The following RAP1GAP2 variants were observed in gnomAD, a reference collection of about 807,000 sequenced individuals.
RAP1GAP2 encodes the protein rap1 GTPase-activating protein 2.
A neutral mutation model predicts 95.0 loss-of-function variants in RAP1GAP2; 27 were observed. The observed-to-expected ratio is 0.28, with a 90% confidence interval of 0.21 to 0.39. RAP1GAP2 has a LOEUF of 0.39. Ranked by LOEUF, RAP1GAP2 falls within the 10% of genes least tolerant of loss-of-function variation. RAP1GAP2 has a pLI of 1.00. For synonymous variants in RAP1GAP2, 373 were observed against 380.9 expected (o/e 0.98, Z 0.24); for missense variants, 771 against 970.0 (o/e 0.79, Z 2.72).
At chr17:2,953,211 T>A (rs2043979793) in intron 3 of RAP1GAP2, among the ~76,000 whole-genome samples, 1 of 152,002 alleles carries the variant, frequency 6.6e-6, no homozygotes, top group Admixed American at 6.6e-5. Context: ...ATCTTTTTTT[T>A]TTTAAGAGAT....
At chr17:2,812,779 C>G (rs1455728443) in intron 2 of RAP1GAP2, among the ~76,000 whole-genome samples, 2 of 151,962 alleles carry the variant, frequency 1.3e-5, no homozygotes, top group Non-Finnish European at 2.9e-5. Context: ...CACCTGAGGT[C>G]AGAAGTTCGA....
At position 3,017,569 on chromosome 17, in the gene RAP1GAP2, T is replaced by A. The variant is rs192977519; in HGVS notation, c.1495-492T>A. On this transcript the variant is annotated intron_variant, in intron 17 of 24. Transcript: ENST00000254695. ...GTTTATTACAGATGGAGGCTCAGTT[T>A]TCTGGAAAAGAGTCAACTTGTGGTC... 1.1e-3 allele frequency among the ~76,000 whole-genome samples: 169 copies of A among 152,336 alleles called. 2 individuals are homozygous for A. Among genetic ancestry groups the A allele is most frequent in the Non-Finnish European group, 6.6e-4 (45 of 68,030 alleles).
chr17:3,006,880 T>C (rs1348082809), intron 16 of RAP1GAP2, among the ~76,000 whole-genome samples: 3 of 152,028 alleles, frequency 2.0e-5, no homozygotes, highest in African/African-American at 7.2e-5. Context: ...TAGATAGTTA[T>C]AGTACAGTGT....
At chr17:2,962,879 G>A (rs965320506) in intron 5 of RAP1GAP2, 165 bp downstream of exon 5, 2 of 665,592 alleles carry the variant, frequency 3.0e-6, no homozygotes, top group Non-Finnish European at 4.9e-6. Context: ...ACCAGTGCAC[G>A]GTGGGCAGCA....
In RAP1GAP2 at chr17:2,825,780, G is replaced by A. The variant is rs1304397438; in HGVS notation, c.80+25230G>A. The stretch of plus-strand genomic sequence containing the variant: ...TAGGTGTGAAGAGGGTCTGGTGCCC[G>A]CATCCAAGGAACTCACAGTCTCTGG... On this transcript the variant is annotated intron_variant, in intron 2 of 24. Coordinates refer to ENST00000254695, the MANE Select transcript of RAP1GAP2 (RefSeq NM_015085.5). This position sits in a 1 kb window ranked among gnomAD's most constrained non-coding sequence, Gnocchi z 4.1. 3.3e-5 allele frequency among the ~76,000 whole-genome samples: 5 copies of A among 152,056 alleles called. No individual in the cohort carries two copies. Among genetic ancestry groups the A allele is most frequent in the South Asian group, 2.1e-4 (1 of 4,802 alleles).
At chr17:2,901,479 TGCGA>T (rs1311095522) in intron 2 of RAP1GAP2, among the ~76,000 whole-genome samples, 2 of 152,142 alleles carry the variant, frequency 1.3e-5, no homozygotes, top group African/African-American at 4.8e-5. Context: ...TAGAGTTGCA[TGCGA>T]GTATGGGGCT....
At chr17:2,913,927 G>A (rs1597593589) in intron 3 of RAP1GAP2, among the ~76,000 whole-genome samples, 2 of 151,984 alleles carry the variant, frequency 1.3e-5, no homozygotes, top group Admixed American at 1.3e-4. Context: ...CTGGAGAGCA[G>A]TGACGCAATC....
At chr17:2,937,388 TG>T (rs2043338152) in intron 3 of RAP1GAP2, among the ~76,000 whole-genome samples, 1 of 152,090 alleles carries the variant, frequency 6.6e-6, no homozygotes, top group South Asian at 2.1e-4. Context: ...GTTGCAGAAG[TG>T]TTCTGGATAT....
intron 2 of RAP1GAP2, among the ~76,000 whole-genome samples, chr17:2,842,455 G>A (rs1365929821): frequency 1.3e-5 from 2 of 150,726 alleles, no homozygotes; most frequent in Non-Finnish European, 2.9e-5. Flanking sequence ...GCTTGAATCC[G>A]GGAGGCAGAG....
intron 1 of RAP1GAP2, among the ~76,000 whole-genome samples, chr17:2,778,409 C>A (rs1298341671): frequency 6.6e-6 from 1 of 152,116 alleles, no homozygotes; most frequent in Non-Finnish European, 1.5e-5. Flanking sequence ...AGGGTCGGGG[C>A]TGGTCTAAGT....
At chr17:2,983,721 A>C (rs1429982943) in intron 10 of RAP1GAP2, among the ~76,000 whole-genome samples, 3 of 152,210 alleles carry the variant, frequency 2.0e-5, no homozygotes, top group Non-Finnish European at 4.4e-5. Context: ...TACAGGTGAA[A>C]AATGATACTC....
At chr17:2,858,748 A>G (rs1349815068) in intron 2 of RAP1GAP2, among the ~76,000 whole-genome samples, 1 of 152,050 alleles carries the variant, frequency 6.6e-6, no homozygotes, top group East Asian at 1.9e-4. Flanking sequence ...CATCTCTACA[A>G]AAAAAATAAA....
chr17:2,796,499 C>A lies in RAP1GAP2; in HGVS notation c.-29C>A. 1 of 1,553,336 alleles carries A rather than the reference C, an allele frequency of 6.4e-7. No individual in the cohort carries two copies. The highest frequency in any genetic ancestry group is 1.2e-5 in the South Asian group (1 of 84,186). ...CCCCGGGGACGTCGTTGGGACATCG[C>A]TGGGACCCCGGGCTCTGCAGCCACA... On this transcript the variant is annotated 5_prime_UTR_variant, in exon 1 of 25. The change creates a new upstream start codon in the 5' untranslated region. Coordinates refer to ENST00000254695, the MANE Select transcript of RAP1GAP2 (RefSeq NM_015085.5). The surrounding 1 kb of genome is among the most constrained non-coding windows in gnomAD (Gnocchi z 4.7).
At chr17:2,774,661 T>C (rs2068458580), upstream of RAP1GAP2, among the ~76,000 whole-genome samples, 1 of 150,930 alleles carries the variant, frequency 6.6e-6, no homozygotes, top group Non-Finnish European at 1.5e-5. Context: ...TTAGTAGAGA[T>C]AGGGGTCACC....
chr17:2,863,322 G>A (rs1258931115), intron 2 of RAP1GAP2, among the ~76,000 whole-genome samples: 4 of 152,156 alleles, frequency 2.6e-5, no homozygotes, highest in African/African-American at 7.2e-5. Flanking sequence ...ATTGTCACTT[G>A]CTTTTAAGCT....
intron 16 of RAP1GAP2, among the ~76,000 whole-genome samples, chr17:3,006,531 T>A (rs2046343284): frequency 6.6e-6 from 1 of 150,998 alleles, no homozygotes; most frequent in Non-Finnish European, 1.5e-5. Context: ...CCTCCCGGGT[T>A]CACACCATAC....
intron 22 of RAP1GAP2, 47 bp from the exon 23 acceptor site, chr17:3,030,875 T>C: frequency 6.6e-7 from 1 of 1,525,300 alleles, no homozygotes; most frequent in African/African-American, 1.4e-5. Context: ...ACAGCCCCAG[T>C]GGCCTCCACA....
At chr17:2,988,488 T>C (rs1448483031) in intron 11 of RAP1GAP2, among the ~76,000 whole-genome samples, 1 of 152,202 alleles carries the variant, frequency 6.6e-6, no homozygotes, top group Non-Finnish European at 1.5e-5. Context: ...GTATAACCAC[T>C]TGAGATTGGC....
At chr17:2,831,243 CT>C (rs888271393) in intron 2 of RAP1GAP2, among the ~76,000 whole-genome samples, 1 of 148,388 alleles carries the variant, frequency 6.7e-6, no homozygotes, top group African/African-American at 2.5e-5. Context: ...CGCCCAGCTA[CT>C]TTTTGTATTT....
Sources: allele counts gnomAD v4.1 joint callset (sites outside exome capture counted in the v4.1 genomes callset), GRCh38; gene constraint gnomAD v4.1.1; non-coding constraint Gnocchi (gnomAD v3.1); transcripts MANE v1.5; gene names NCBI Gene and HGNC (gene_info 2026-07-23, HGNC 2026-07-21).